NEDD9: variants seen among roughly 807,000 people sequenced by gnomAD.
The protein encoded by NEDD9 is enhancer of filamentation 1.
NEDD9 carries 26 observed loss-of-function variants against 76.6 expected under a neutral mutation model. The observed-to-expected ratio is 0.34, with a 90% CI of 0.25 to 0.47. The LOEUF (loss-of-function observed/expected upper bound fraction) is 0.47, where lower values mean the gene tolerates loss of function less well. Ranked by LOEUF, NEDD9 falls within the 20% of genes least tolerant of loss-of-function variation. The pLI, the probability that NEDD9 is intolerant of heterozygous loss-of-function variation, is 1.00. For missense variants in NEDD9, 937 were observed against 1,058.5 expected (o/e 0.89, Z 1.59); for synonymous variants, 392 against 414.2 (o/e 0.95, Z 0.65).
At chr6:11,305,750 A>T in intron 3 of NEDD9, 1 of 552,744 alleles carries the variant, frequency 1.8e-6, no homozygotes, top group Non-Finnish European at 3.2e-6. Flanking sequence ...ATCCCAGAAG[A>T]CTGCTTCCCC....
chr6:11,285,851 A>G (rs990611951), intron 3 of NEDD9, among the ~76,000 whole-genome samples: 3 of 152,208 alleles, frequency 2.0e-5, no homozygotes, highest in Non-Finnish European at 4.4e-5. Context: ...TTATATGAAT[A>G]TTAATTCAAA....
intron 2 of NEDD9, among the ~76,000 whole-genome samples, chr6:11,203,424 G>A (rs981134907): frequency 3.3e-5 from 5 of 152,160 alleles, no homozygotes; most frequent in African/African-American, 1.2e-4. Context: ...AAGAGGAGGT[G>A]AGAGATGAGA....
At chr6:11,361,244 A>G (rs1330824587) in intron 1 of NEDD9, among the ~76,000 whole-genome samples, 1 of 152,198 alleles carries the variant, frequency 6.6e-6, no homozygotes, top group Non-Finnish European at 1.5e-5. Context: ...ACTCTAGATC[A>G]TATCCTCTTT....
intron 1 of NEDD9, among the ~76,000 whole-genome samples, chr6:11,362,758 A>T (rs1035627536): frequency 3.3e-5 from 5 of 152,256 alleles, no homozygotes; most frequent in African/African-American, 1.2e-4. Context: ...TATTAAGTGG[A>T]AGTGCATTAG....
intron 3 of NEDD9, among the ~76,000 whole-genome samples, chr6:11,291,759 CA>C (rs1483021506): frequency 1.3e-5 from 2 of 152,038 alleles, no homozygotes; most frequent in East Asian, 1.9e-4. Flanking sequence ...GCACCATGGT[CA>C]AAACTGGAAA....
At position 11,370,646 on chromosome 6, in the gene NEDD9, C is replaced by G. The variant is rs1278222746; in HGVS notation, c.-214+11493G>C. Among the ~76,000 whole-genome samples the G allele has an allele frequency of 6.6e-6, 1 of 152,252 alleles. No individual in the cohort carries two copies. Among genetic ancestry groups the G allele is most frequent in the Non-Finnish European group, 1.5e-5 (1 of 68,040 alleles). On this transcript the variant is annotated intron_variant, in intron 1 of 3. Coordinates refer to the NEDD9 transcript ENST00000397378. This position sits in a 1 kb window ranked among gnomAD's most constrained non-coding sequence, Gnocchi z 4.2. ...TTCCCTGCTTACAGAGAGCTTCTTT[C>G]CCTGCCTGGTAGCACCCGTCCCTCA...
intron 1 of NEDD9, among the ~76,000 whole-genome samples, chr6:11,381,342 T>C (rs1763060306): frequency 6.6e-6 from 1 of 152,164 alleles, no homozygotes; most frequent in Non-Finnish European, 1.5e-5. Flanking sequence ...AGGGAAAAGA[T>C]TGGTGGCCGA....
intron 3 of NEDD9, among the ~76,000 whole-genome samples, chr6:11,253,327 C>T (rs1759945520): frequency 6.6e-6 from 1 of 152,270 alleles, no homozygotes; most frequent in African/African-American, 2.4e-5. Context: ...TGGCCTCCTC[C>T]ATTGAGGTTG....
intron 3 of NEDD9, among the ~76,000 whole-genome samples, chr6:11,277,061 G>C (rs1321602911): frequency 1.3e-5 from 2 of 152,210 alleles, no homozygotes; most frequent in South Asian, 2.1e-4. Flanking sequence ...CTGATGCCCG[G>C]GGGGTGCATC....
intron 3 of NEDD9, among the ~76,000 whole-genome samples, chr6:11,293,286 G>T (rs1340566136): frequency 2.0e-5 from 3 of 152,078 alleles, no homozygotes; most frequent in Non-Finnish European, 2.9e-5. Context: ...GTTCAGAGAG[G>T]TTAAGAAATA....
At chr6:11,334,658 T>C (rs569408704) in intron 1 of NEDD9, 1 of 152,396 alleles carries the variant, frequency 6.6e-6, no homozygotes, top group Non-Finnish European at 1.5e-5. Context: ...AATGTGGTTA[T>C]GTTATACATC....
In NEDD9 at chr6:11,193,678, C is replaced by T. The variant is rs778708275; in HGVS notation, c.474G>A (p.Val158=). 6.2e-7 allele frequency: 1 copy of T among 1,613,784 alleles called. No individual in the cohort carries two copies. The highest frequency in any genetic ancestry group is 8.5e-7 in the Non-Finnish European group (1 of 1,179,756). ...PHVGKKVITP[V]RTGHGYVYEY... ...CGTATACGTAGCCATGGCCTGTCCT[C>T]ACGGGGGTTATCACCTGTGGGAGAG... Residue 158 remains valine (V), a synonymous_variant, in exon 3 of 7, where the codon GTG becomes GTA. Transcript: ENST00000379446.
intron 3 of NEDD9, among the ~76,000 whole-genome samples, chr6:11,281,322 C>T (rs1760533222): frequency 6.6e-6 from 1 of 152,208 alleles, no homozygotes; most frequent in Non-Finnish European, 1.5e-5. Flanking sequence ...ATCATTCTGC[C>T]TTCCAGGATT....
chr6:11,256,963 A>G (rs891482899), intron 3 of NEDD9, among the ~76,000 whole-genome samples: 5 of 152,188 alleles, frequency 3.3e-5, no homozygotes, highest in African/African-American at 4.8e-5. Context: ...CCTCTCTTAG[A>G]GAATCATTTT....
At position 11,228,121 on chromosome 6, in the gene NEDD9, G is replaced by A. The variant is rs537325039; in HGVS notation, c.12+4383C>T. Among the ~76,000 whole-genome samples the A allele has an allele frequency of 2.0e-5, 3 of 151,204 alleles. No individual in the cohort carries two copies. The East Asian group carries it at 5.8e-4, about 29-fold the overall frequency. On this transcript the variant is annotated intron_variant, in intron 1 of 6. Coordinates refer to ENST00000379446, the MANE Select transcript of NEDD9 (RefSeq NM_006403.4). ...CGGGTGGGGGGCTGGGGAGTAGGGG[G>A]TTGGAAGTAAGATCTACGGAAGTCA...
chr6:11,204,052 A>G (rs1300437120), intron 2 of NEDD9, among the ~76,000 whole-genome samples: 1 of 152,108 alleles, frequency 6.6e-6, no homozygotes, highest in Admixed American at 6.5e-5. Context: ...TCAGATAAGG[A>G]TATCTGGATC....
chr6:11,379,901 C>T (rs1455050198), intron 1 of NEDD9, among the ~76,000 whole-genome samples: 1 of 152,178 alleles, frequency 6.6e-6, no homozygotes, highest in Non-Finnish European at 1.5e-5. Context: ...ATAAAATTCT[C>T]CTATTTGTGT....
chr6:11,204,719 C>T (rs1039350332), intron 2 of NEDD9, among the ~76,000 whole-genome samples: 6 of 65,368 alleles, frequency 9.2e-5, no homozygotes, highest in African/African-American at 4.0e-4. Flanking sequence ...GGGTCCGTCT[C>T]AAAAAAAAAA....
intron 3 of NEDD9, among the ~76,000 whole-genome samples, chr6:11,263,481 T>C (rs1182253931): frequency 6.6e-6 from 1 of 151,918 alleles, no homozygotes; most frequent in Admixed American, 6.5e-5. Context: ...CCAGGAGTGA[T>C]CGTCTAGAAT....
Sources: allele counts gnomAD v4.1 joint callset (sites outside exome capture counted in the v4.1 genomes callset), GRCh38; gene constraint gnomAD v4.1.1; non-coding constraint Gnocchi (gnomAD v3.1); transcripts MANE v1.5; gene names NCBI Gene and HGNC (gene_info 2026-07-23, HGNC 2026-07-21).